Variants in ATP8B4 observed in about 807,000 individuals in gnomAD.
The protein encoded by ATP8B4 is probable phospholipid-transporting ATPase IM.
ATP8B4 carries 133 observed loss-of-function variants against 145.6 expected under a neutral mutation model. The observed-to-expected ratio is 0.91, with a 90% CI of 0.79 to 1.05. ATP8B4 has a LOEUF of 1.05. ATP8B4 is among the 50% of genes least tolerant of loss of function. ATP8B4 has a pLI of 0.00. For missense variants in ATP8B4, 1,458 were observed against 1,425.2 expected (o/e 1.02, Z -0.37); for synonymous variants, 507 against 492.9 (o/e 1.03, Z -0.38).
In ATP8B4 at chr15:49,876,258, G is replaced by A; in HGVS notation, c.3027+20C>T. 6.2e-7 allele frequency: 1 copy of A among 1,611,514 alleles called. No homozygotes were observed. Among genetic ancestry groups the A allele is most frequent in the Admixed American group, 1.7e-5 (1 of 59,800 alleles). ...AGTTGTAAACCCATCAAGTTAAGGTGCTTACACCGACAGCGTTACCTGCAC... is the reference window on the plus strand; with the variant it reads ...AGTTGTAAACCCATCAAGTTAAGGTACTTACACCGACAGCGTTACCTGCAC... On this transcript the variant is annotated intron_variant, in intron 25 of 27. Coordinates refer to ENST00000284509, the MANE Select transcript of ATP8B4 (RefSeq NM_024837.4).
At chr15:50,153,138 T>C (rs530396319) in intron 1 of ATP8B4, among the ~76,000 whole-genome samples, 8 of 152,194 alleles carry the variant, frequency 5.3e-5, no homozygotes, top group Admixed American at 6.5e-5. Context: ...CCTGGTTACA[T>C]GGAACAATTC....
intron 17 of ATP8B4, 30 bp downstream of exon 17, chr15:49,923,349 T>C (rs374181423): frequency 9.4e-6 from 14 of 1,495,456 alleles, no homozygotes; most frequent in African/African-American, 4.2e-5. Flanking sequence ...AAAAGGGCCA[T>C]TGTGCTAACC....
chr15:49,955,383 A>C (rs994857030), intron 14 of ATP8B4, among the ~76,000 whole-genome samples: 1 of 152,220 alleles, frequency 6.6e-6, no homozygotes, highest in African/African-American at 2.4e-5. Context: ...GAAAATCCCA[A>C]GTATTGTTGA....
rs551586391 is a variant in ATP8B4, at chr15:49,880,940, G to A, written c.2698-1481C>T. Among the ~76,000 whole-genome samples, 17 of 152,002 alleles carry A rather than the reference G, an allele frequency of 1.1e-4. No individual in the cohort carries two copies. The East Asian group carries it at 1.4e-3, about 12-fold the overall frequency. On this transcript the variant is annotated intron_variant, in intron 23 of 27. Coordinates refer to ENST00000284509, the MANE Select transcript of ATP8B4 (RefSeq NM_024837.4). ...ATCCTGGCTAACATGGTGAAACCCC[G>A]TCTCTACTAAAAATACAAAAAATTA...
At chr15:50,047,098 G>C (rs2051781936) in intron 4 of ATP8B4, among the ~76,000 whole-genome samples, 1 of 152,132 alleles carries the variant, frequency 6.6e-6, no homozygotes. Flanking sequence ...ATTAGGCTCT[G>C]GTTTGGTTCA....
At chr15:49,952,538 G>C (rs986904516) in intron 14 of ATP8B4, among the ~76,000 whole-genome samples, 2 of 152,064 alleles carry the variant, frequency 1.3e-5, no homozygotes, top group Non-Finnish European at 2.9e-5. Flanking sequence ...GTGTTTTTCA[G>C]CTCCATCAGG....
At chr15:50,165,379 C>G (rs2044580761) in intron 1 of ATP8B4, among the ~76,000 whole-genome samples, 1 of 152,178 alleles carries the variant, frequency 6.6e-6, no homozygotes, top group South Asian at 2.1e-4. Flanking sequence ...GATGTTAAAA[C>G]ACAGTGAGGT....
At chr15:50,137,847 G>C (rs1335856289) in intron 1 of ATP8B4, among the ~76,000 whole-genome samples, 1 of 152,072 alleles carries the variant, frequency 6.6e-6, no homozygotes, top group Non-Finnish European at 1.5e-5. Context: ...TAAATTCCAG[G>C]ACCCAGGTCT....
Position 49,876,354 on chromosome 15 carries a change from T to G in ATP8B4, c.2951A>C (p.Asp984Ala). 1 of 1,614,086 alleles carries G rather than the reference T, an allele frequency of 6.2e-7. No homozygotes were observed. The highest frequency in any genetic ancestry group is 8.5e-7 in the Non-Finnish European group (1 of 1,179,978). Residue 984 changes from aspartate to alanine, a missense_variant, in exon 25 of 28, where the codon GAT becomes GCT. Physicochemically the swap from Asp to Ala is moderately radical, Grantham distance 126. Coordinates refer to ENST00000284509, the MANE Select transcript of ATP8B4 (RefSeq NM_024837.4). ...CTGGTAGTCAGCAATATGTTGCCCA[T>G]CTTCTCCAGCCACGTTGTAAAAGGC... is the stretch of plus-strand genomic sequence containing the variant. ...YGAFYNVAGE[D>A]GQHIADYQSF...
At chr15:50,025,591 A>G (rs1268637260) in intron 6 of ATP8B4, among the ~76,000 whole-genome samples, 1 of 152,174 alleles carries the variant, frequency 6.6e-6, no homozygotes, top group East Asian at 1.9e-4. Context: ...TACTCCCTTA[A>G]AGAATCCATT....
chr15:50,177,915 A>G (rs1346024592), intron 1 of ATP8B4, among the ~76,000 whole-genome samples: 2 of 152,164 alleles, frequency 1.3e-5, no homozygotes, highest in African/African-American at 4.8e-5. Context: ...TTAAAAGAAC[A>G]TTTGAGATTG....
At chr15:50,137,524 T>C (rs2044139186) in intron 1 of ATP8B4, among the ~76,000 whole-genome samples, 1 of 152,174 alleles carries the variant, frequency 6.6e-6, no homozygotes, top group Non-Finnish European at 1.5e-5. Context: ...CCAGCAGCAT[T>C]TTGCTTCAGT....
upstream of ATP8B4, among the ~76,000 whole-genome samples, chr15:50,123,304 A>C (rs936385327): frequency 1.2e-4 from 18 of 152,208 alleles, no homozygotes; most frequent in African/African-American, 4.3e-4. Context: ...TTTATAGTTT[A>C]ACTTTGCAAC....
intron 2 of ATP8B4, among the ~76,000 whole-genome samples, chr15:50,094,712 CTA>C (rs10546915): frequency 0.58 from 83,291 of 144,796 alleles, 24,454 homozygotes; most frequent in Middle Eastern, 0.69. Context: ...ATATATACTA[CTA>C]TATATATATA....
chr15:50,090,158 A>G (rs1362915932), intron 2 of ATP8B4, among the ~76,000 whole-genome samples: 1 of 152,176 alleles, frequency 6.6e-6, no homozygotes, highest in Non-Finnish European at 1.5e-5. Context: ...TGGGAGCTGA[A>G]CAGTGAGAAC....
At chr15:50,038,064 C>A (rs988276897) in intron 6 of ATP8B4, among the ~76,000 whole-genome samples, 2 of 152,116 alleles carry the variant, frequency 1.3e-5, no homozygotes, top group Non-Finnish European at 2.9e-5. Context: ...GATTTAAGTA[C>A]ATCATTAAAA....
In ATP8B4 at chr15:49,920,276, C is replaced by T; in HGVS notation, c.1893G>A (p.Gly631=). 6.2e-7 allele frequency: 1 copy of T among 1,614,170 alleles called. No homozygotes were observed. Among genetic ancestry groups the T allele is most frequent in the Non-Finnish European group, 8.5e-7 (1 of 1,180,032 alleles). ...AATCTCTTTCAATTTCTTCATATAG[C>T]CCAGCTATTCGTTCATCCCTCTCTT... The part of the protein sequence containing the change: ...ATEERDERIA[G]LYEEIERDLM... The change falls in exon 18 of 28, where the codon GGG becomes GGA. Residue 631 remains glycine (G), a synonymous_variant. Coordinates refer to ENST00000284509, the MANE Select transcript of ATP8B4 (RefSeq NM_024837.4).
intron 5 of ATP8B4, among the ~76,000 whole-genome samples, chr15:50,040,261 T>A (rs1460090278): frequency 2.0e-5 from 3 of 152,226 alleles, no homozygotes; most frequent in Admixed American, 1.3e-4. Flanking sequence ...CTAGCTGGGT[T>A]AGCAATGGCT....
chr15:49,932,667 C>G (rs537342554), intron 15 of ATP8B4, among the ~76,000 whole-genome samples: 2 of 152,154 alleles, frequency 1.3e-5, no homozygotes, highest in South Asian at 4.1e-4. Context: ...CATTAGCCAG[C>G]ATTTGCCTTG....
Sources: gnomAD v4.1 joint callset for allele counts (sites outside exome capture counted in the v4.1 genomes callset) on GRCh38, gnomAD v4.1.1 for gene constraint, MANE v1.5 for transcripts, NCBI Gene and HGNC (gene_info 2026-07-23, HGNC 2026-07-21) for gene names.